Variants in GSE1 observed in about 807,000 individuals in gnomAD.
The protein encoded by GSE1 is Gse1 coiled-coil protein, also known as genetic suppressor element 1.
In GSE1, 32 loss-of-function variants were observed where a neutral mutation model predicts 112.6. The ratio of observed to expected loss-of-function variants is 0.28; its 90% confidence interval spans 0.21 to 0.38. The LOEUF (loss-of-function observed/expected upper bound fraction) is 0.38. Among genes scored for constraint, GSE1 ranks in the 10% least tolerant of loss-of-function variants. The pLI, the probability that GSE1 is intolerant of heterozygous loss-of-function variation, is 1.00. For synonymous variants in GSE1, 1,115 were observed against 735.6 expected (o/e 1.52, Z -8.35); for missense variants, 2,348 against 1,699.2 (o/e 1.38, Z -6.71).
intron 1 of GSE1, among the ~76,000 whole-genome samples, chr16:85,623,032 T>C (rs527277390): frequency 2.0e-5 from 3 of 152,196 alleles, no homozygotes; most frequent in African/African-American, 7.2e-5. Flanking sequence ...AAGGGAGAAG[T>C]GCCACTCATG....
chr16:85,634,182 C>T, intron 2 of GSE1, 50 bp downstream of exon 2: 1 of 1,285,212 alleles, frequency 7.8e-7, no homozygotes, highest in Non-Finnish European at 1.0e-6. Flanking sequence ...GCTCCCGAGG[C>T]CGGGACTCAG....
intron 2 of GSE1, among the ~76,000 whole-genome samples, chr16:85,473,264 A>G (rs923302889): frequency 6.6e-6 from 1 of 152,238 alleles, no homozygotes; most frequent in African/African-American, 2.4e-5. Flanking sequence ...GCAATAAACC[A>G]TAAAAGTGAT....
intron 2 of GSE1, among the ~76,000 whole-genome samples, chr16:85,435,559 G>A (rs985261346): frequency 2.0e-4 from 31 of 152,336 alleles, no homozygotes; most frequent in African/African-American, 6.3e-4. Context: ...GGGGGCTGAG[G>A]GAGGGGAGGG....
In GSE1 at chr16:85,466,027, T is replaced by A. The variant is rs1365714904; in HGVS notation, c.2464+108384T>A. 3.9e-5 allele frequency among the ~76,000 whole-genome samples: 6 copies of A among 152,252 alleles called. No individual in the cohort carries two copies. The South Asian group carries it at 1.0e-3, about 26-fold the overall frequency. On this transcript the variant is annotated intron_variant, in intron 2 of 2. Transcript: ENST00000637419. Reference sequence around the variant, plus strand: ...GGGTGGATGAGCTCATTGGCAGCGGTGTGGACCCAGCCTAAGAGCTTAGCT... The same window carrying A: ...GGGTGGATGAGCTCATTGGCAGCGGAGTGGACCCAGCCTAAGAGCTTAGCT...
chr16:85,507,129 C>T (rs781600437), intron 2 of GSE1, among the ~76,000 whole-genome samples: 13 of 152,292 alleles, frequency 8.5e-5, no homozygotes, highest in East Asian at 1.9e-4. Flanking sequence ...CATCAGCGGG[C>T]GTCGTCGACG....
At chr16:85,357,867 G>A (rs900295355) in intron 2 of GSE1, among the ~76,000 whole-genome samples, 3 of 152,062 alleles carry the variant, frequency 2.0e-5, no homozygotes, top group Admixed American at 1.3e-4. Flanking sequence ...CCTGGTTCTC[G>A]ATACTCTCGC....
At chr16:85,357,501 C>T in exon 2 of GSE1, 1 of 1,256,998 alleles carries the variant, frequency 8.0e-7, no homozygotes, top group Non-Finnish European at 1.0e-6. Context: ...CAGCCAGCCA[C>T]CCTCCCACCC....
At chr16:85,236,556 G>A (rs1305696134) in intron 1 of GSE1, among the ~76,000 whole-genome samples, 1 of 152,110 alleles carries the variant, frequency 6.6e-6, no homozygotes, top group African/African-American at 2.4e-5. Context: ...GTCTCATGGT[G>A]TGGAGAGAGA....
At chr16:85,207,707 G>T (rs868268136) in intron 1 of GSE1, 1 of 152,256 alleles carries the variant, frequency 6.6e-6, no homozygotes, top group Non-Finnish European at 1.5e-5. Flanking sequence ...ACCCTCTCCA[G>T]GCCTCTGCTT....
Position 85,416,043 on chromosome 16 carries a change from C to T in GSE1, c.2464+58400C>T, listed in dbSNP as rs748228828. ...AGGAGAATGCAGCTTTTGCAACTAT[C>T]GTCTAATTTTATGATGAGCATTAAA... On this transcript the variant is annotated intron_variant, in intron 2 of 2. Transcript: ENST00000637419. 7.9e-5 allele frequency among the ~76,000 whole-genome samples: 12 copies of T among 152,068 alleles called. No homozygotes were observed. The East Asian group carries it at 9.6e-4, about 12-fold the overall frequency.
intron 1 of GSE1, among the ~76,000 whole-genome samples, chr16:85,294,372 G>C (rs2045303259): frequency 6.6e-6 from 1 of 152,230 alleles, no homozygotes; most frequent in South Asian, 2.1e-4. Context: ...TTTACTCTGA[G>C]TGACTCGTGC....
chr16:85,358,937 G>A (rs923617236), intron 2 of GSE1, among the ~76,000 whole-genome samples: 7 of 152,240 alleles, frequency 4.6e-5, no homozygotes, highest in Non-Finnish European at 8.8e-5. Flanking sequence ...TCCCTGCTCC[G>A]TGCCTCAGTT....
chr16:85,482,288 C>T (rs2050704301), intron 2 of GSE1, among the ~76,000 whole-genome samples: 1 of 152,230 alleles, frequency 6.6e-6, no homozygotes, highest in Non-Finnish European at 1.5e-5. Context: ...CGGATGTGTG[C>T]CCAGTCCTGC....
At chr16:85,171,384 G>T in exon 1 of GSE1, 3 of 985,686 alleles carry the variant, frequency 3.0e-6, no homozygotes, top group Non-Finnish European at 2.4e-6. Context: ...GCGAGAAGGA[G>T]CCCTTCTTCC....
At chr16:85,545,003 C>T (rs1023083514) in intron 2 of GSE1, among the ~76,000 whole-genome samples, 6 of 152,252 alleles carry the variant, frequency 3.9e-5, no homozygotes, top group Admixed American at 2.6e-4. Context: ...CTCCTCCCCT[C>T]GGGAGACCTC....
intron 1 of GSE1, among the ~76,000 whole-genome samples, chr16:85,179,286 C>T (rs1351020109): frequency 2.6e-5 from 4 of 152,150 alleles, no homozygotes; most frequent in African/African-American, 2.4e-5. Context: ...GCTTCTTTCA[C>T]GCAGCACCAT....
intron 1 of GSE1, among the ~76,000 whole-genome samples, chr16:85,585,491 C>T (rs767858028): frequency 1.3e-5 from 2 of 152,152 alleles, no homozygotes; most frequent in Non-Finnish European, 2.9e-5. Context: ...GTGTCGCCTA[C>T]GTTTCTCCAA....
chr16:85,322,882 C>T (rs1266717860), intron 1 of GSE1, among the ~76,000 whole-genome samples: 1 of 152,168 alleles, frequency 6.6e-6, no homozygotes, highest in African/African-American at 2.4e-5. Context: ...TCCCAAAGTG[C>T]TGGGATTACA....
At chr16:85,579,605 C>G (rs2046367198) in intron 1 of GSE1, among the ~76,000 whole-genome samples, 1 of 152,162 alleles carries the variant, frequency 6.6e-6, no homozygotes, top group East Asian at 1.9e-4. Context: ...GGGGATTCCC[C>G]AGACCTACGC....
Sources: allele counts gnomAD v4.1 joint callset (sites outside exome capture counted in the v4.1 genomes callset), GRCh38; gene constraint gnomAD v4.1.1; transcripts MANE v1.5; gene names NCBI Gene and HGNC (gene_info 2026-07-23, HGNC 2026-07-21).